Variants in PIK3C2B observed in about 807,000 individuals in gnomAD.
The protein encoded by PIK3C2B is phosphatidylinositol-4-phosphate 3-kinase catalytic subunit type 2 beta, also known as phosphatidylinositol 4-phosphate 3-kinase C2 domain-containing subunit beta.
PIK3C2B carries 83 observed loss-of-function variants against 184.3 expected under a neutral mutation model. The ratio of observed to expected loss-of-function variants is 0.45; its 90% CI spans 0.38 to 0.54. The LOEUF is 0.54. PIK3C2B is among the 20% of genes least tolerant of loss of function. The pLI is 0.00. For missense variants in PIK3C2B, 1,736 were observed against 2,113.5 expected, an observed-to-expected ratio of 0.82 and a Z score of 3.50; for synonymous variants, 779 against 837.6, an observed-to-expected ratio of 0.93 and a Z score of 1.21.
intron 12 of PIK3C2B, among the ~76,000 whole-genome samples, chr1:204,451,034 G>A (rs1654305452): frequency 1.3e-5 from 2 of 152,220 alleles, no homozygotes; most frequent in South Asian, 4.1e-4. Context: ...CCACCTAAGT[G>A]AGGCACTCCC....
chr1:204,466,853 T>G (rs375101836), intron 2 of PIK3C2B: 113 of 533,074 alleles, frequency 2.1e-4, no homozygotes, highest in Middle Eastern at 6.5e-4. Flanking sequence ...AGCAGGGGTA[T>G]CAGGCTGGCA....
intron 10 of PIK3C2B, chr1:204,456,323 T>C: frequency 3.1e-6 from 1 of 324,962 alleles, no homozygotes; most frequent in Non-Finnish European, 5.6e-6. Flanking sequence ...TCCTTTCTTT[T>C]AGGAAACAGT....
At chr1:204,487,751 G>GTA (rs780593995) in intron 1 of PIK3C2B, among the ~76,000 whole-genome samples, 2 of 152,024 alleles carry the variant, frequency 1.3e-5, no homozygotes, top group Non-Finnish European at 2.9e-5. Flanking sequence ...GCCTAAGACT[G>GTA]TATATATATA....
At chr1:204,429,873 C>G (rs1249235186) in intron 29 of PIK3C2B, 48 bp downstream of exon 29, 3 of 1,264,278 alleles carry the variant, frequency 2.4e-6, no homozygotes, top group Non-Finnish European at 1.2e-6. Context: ...GCCTCCCCAA[C>G]CATCCCCACC....
intron 12 of PIK3C2B, 188 bp downstream of exon 12, chr1:204,454,481 C>CAA (rs577930655): frequency 0.011 from 2,816 of 257,812 alleles, 33 homozygotes; most frequent in East Asian, 0.053. Flanking sequence ...GGCTGCCTCT[C>CAA]AAAAAAAAAA....
At chr1:204,445,749 T>C (rs1300593009) in intron 16 of PIK3C2B, among the ~76,000 whole-genome samples, 6 of 152,170 alleles carry the variant, frequency 3.9e-5, no homozygotes, top group Non-Finnish European at 8.8e-5. Context: ...TGTACAATTT[T>C]CAATTTTGTT....
chr1:204,455,733 C>T (rs1654794289), intron 11 of PIK3C2B, 123 bp downstream of exon 11: 1 of 804,396 alleles, frequency 1.2e-6, no homozygotes, highest in East Asian at 2.8e-5. Context: ...CATTGCACCA[C>T]AATGTCACAC....
intron 32 of PIK3C2B, 54 bp from the exon 33 acceptor site, chr1:204,425,094 C>A: frequency 6.9e-7 from 1 of 1,452,916 alleles, no homozygotes; most frequent in Non-Finnish European, 9.5e-7. Context: ...CAAGAAGAAT[C>A]CAGAGGGAAC....
Position 204,489,760 on chromosome 1 carries a change from A to G in PIK3C2B, c.-85+4596T>C, listed in dbSNP as rs182266458. 2.1e-3 allele frequency: 848 copies of G among 395,776 alleles called. 2 individuals are homozygous for G. The highest frequency in any genetic ancestry group is 3.2e-3 in the Non-Finnish European group (717 of 224,738). The allele number at this position is 395,776 out of a possible 1,614,324, so 24.5% of individuals were successfully genotyped here. A position where few individuals can be genotyped will look rare whatever the true frequency, so the allele number is the denominator to read the frequency against. ...ACGTCAATAGTTGAAGGGCTCCATCATTACTACTATCTGGGCTTTGCTTAG... is the reference window on the plus strand; with the variant it reads ...ACGTCAATAGTTGAAGGGCTCCATCGTTACTACTATCTGGGCTTTGCTTAG... On this transcript the variant is annotated intron_variant, in intron 1 of 32. Transcript: ENST00000684373.
Position 204,424,832 on chromosome 1 carries a change from G to A in PIK3C2B, c.*20C>T, listed in dbSNP as rs778814155. Reference sequence around the variant, plus strand: ...GCTCCTGCCACCAGCCTGGGATGCTGGGTGGTGGCTCTGCTGGGCTCACAA... The same window carrying A: ...GCTCCTGCCACCAGCCTGGGATGCTAGGTGGTGGCTCTGCTGGGCTCACAA... On this transcript the variant is annotated 3_prime_UTR_variant, in exon 33 of 33. Transcript: ENST00000684373. 10 of 1,612,210 alleles carry A rather than the reference G, an allele frequency of 6.2e-6. 1 individual carries two copies. In the South Asian group the frequency reaches 1.1e-4, roughly 18 times the overall value.
chr1:204,477,617 G>A (rs1416748072), intron 1 of PIK3C2B, among the ~76,000 whole-genome samples: 2 of 152,206 alleles, frequency 1.3e-5, no homozygotes, highest in Admixed American at 6.5e-5. Context: ...TAGTCCCTGT[G>A]CCAGAGAGGG....
intron 1 of PIK3C2B, chr1:204,490,374 G>A (rs1014679385): frequency 6.4e-6 from 1 of 155,326 alleles, no homozygotes; most frequent in Non-Finnish European, 1.4e-5. Flanking sequence ...GTGATGATTT[G>A]GGGTGAGTGA....
chr1:204,470,324 C>T (rs1383433137), intron 1 of PIK3C2B, among the ~76,000 whole-genome samples: 5 of 152,110 alleles, frequency 3.3e-5, no homozygotes, highest in East Asian at 1.9e-4. Flanking sequence ...CCCACCACTG[C>T]GCCCGGCTAA....
chr1:204,482,149 T>G (rs1264796258), intron 1 of PIK3C2B, among the ~76,000 whole-genome samples: 2 of 144,840 alleles, frequency 1.4e-5, no homozygotes, highest in African/African-American at 5.6e-5. Context: ...TTAGGCCCCA[T>G]AGCTCCATGG....
rs1231968016 is a variant in PIK3C2B at position 204,468,945 on chromosome 1, GGGGGGCACCTGA to G, written c.846_857del (p.Gln283_Pro286del). The G allele has an allele frequency of 6.2e-7, 1 of 1,614,036 alleles. No individual in the cohort carries two copies. ...TGCCATAGCGGGAGGCATAGGTGCGGGGGGGCACCTGAGGGGGCATAGTCTTGCTCCTGGCCA... is the reference window on the plus strand; with the variant it reads ...TGCCATAGCGGGAGGCATAGGTGCGGGGGGGCATAGTCTTGCTCCTGGCCA... On this transcript the variant is annotated inframe_deletion, in exon 2 of 33. Coordinates refer to ENST00000684373, the MANE Select transcript of PIK3C2B (RefSeq NM_001377334.1).
chr1:204,468,593 G>A (rs12089799), intron 2 of PIK3C2B, among the ~76,000 whole-genome samples: 1,718 of 152,298 alleles, frequency 0.011, 45 homozygotes, highest in African/African-American at 0.04. Context: ...GCAGGCACAC[G>A]CTAGGAACCA....
At position 204,432,273 on chromosome 1, in the gene PIK3C2B, AGAGT is replaced by A; in HGVS notation, c.4078_4081del (p.Thr1360SerfsTer29). ...ATCACTGATTCGGCCAGAGCTCTTG[AGAGT>A]GTGTGTTCGGGAGGCAAAGGAGAGG... On this transcript the variant is annotated frameshift_variant, in exon 27 of 33. Coordinates refer to ENST00000684373, the MANE Select transcript of PIK3C2B (RefSeq NM_001377334.1). LOFTEE classifies it high-confidence loss of function. 6.2e-7 allele frequency: 1 copy of A among 1,614,022 alleles called. No homozygotes were observed. Among genetic ancestry groups the A allele is most frequent in the Non-Finnish European group, 8.5e-7 (1 of 1,179,984 alleles).
chr1:204,431,298 G>A (rs1036963359), intron 28 of PIK3C2B: 20 of 266,686 alleles, frequency 7.5e-5, no homozygotes, highest in African/African-American at 2.2e-4. Flanking sequence ...GTCCATCCAC[G>A]TTGTTACCCG....
chr1:204,425,579 A>G (rs1674700750), intron 32 of PIK3C2B, 34 bp downstream of exon 32: 1 of 1,611,654 alleles, frequency 6.2e-7, no homozygotes, highest in Non-Finnish European at 8.5e-7. Flanking sequence ...CAGGTTGCCA[A>G]CCCCTGCCCT....
Sources: gnomAD v4.1 joint callset for allele counts (sites outside exome capture counted in the v4.1 genomes callset) on GRCh38, gnomAD v4.1.1 for gene constraint, MANE v1.5 for transcripts, NCBI Gene and HGNC (gene_info 2026-07-23, HGNC 2026-07-21) for gene names.